PROSER3: variants seen among roughly 807,000 people sequenced by gnomAD.
PROSER3 encodes proline and serine-rich protein 3.
Under a neutral mutation model 50.2 loss-of-function variants are expected in PROSER3, and 33 were observed. That is an observed-to-expected ratio of 0.66 (90% CI 0.50 to 0.88). The LOEUF (loss-of-function observed/expected upper bound fraction) is 0.88. PROSER3 is among the 40% of genes least tolerant of loss of function. The pLI, the probability that PROSER3 is intolerant of heterozygous loss-of-function variation, is 0.00. For synonymous variants in PROSER3, 266 were observed against 259.3 expected (o/e 1.03, Z -0.25); for missense variants, 623 against 612.7 (o/e 1.02, Z -0.18).
At chr19:35,767,110 G>A in intron 8 of PROSER3, 7 of 1,018,430 alleles carry the variant, frequency 6.9e-6, no homozygotes, top group Non-Finnish European at 8.3e-6. Flanking sequence ...GTTCTCTGGG[G>A]ACCCAGCCTA....
chr19:35,770,465 C>A (rs1258634226), downstream of PROSER3, among the ~76,000 whole-genome samples: 1 of 152,148 alleles, frequency 6.6e-6, no homozygotes, highest in African/African-American at 2.4e-5. Flanking sequence ...ACCTGATATT[C>A]TTTGACACAC....
intron 8 of PROSER3, chr19:35,767,186 C>A: frequency 2.0e-6 from 1 of 502,130 alleles, no homozygotes; most frequent in Non-Finnish European, 3.5e-6. Context: ...TGTGGAGAGG[C>A]CTCCTTTTCC....
At chr19:35,768,158 C>A in exon 10 of PROSER3, 1 of 1,613,166 alleles carries the variant, frequency 6.2e-7, no homozygotes, top group South Asian at 1.1e-5. Flanking sequence ...GGCCCAGACT[C>A]CGACGGCAGC....
At chr19:35,766,796 C>T (rs1234296149) in exon 8 of PROSER3, 2 of 1,550,840 alleles carry the variant, frequency 1.3e-6, no homozygotes, top group Non-Finnish European at 1.7e-6. Flanking sequence ...AGGCCCAGAC[C>T]CCCACCCCTG....
chr19:35,760,078 T>G, intron 3 of PROSER3, 87 bp downstream of exon 3: 1 of 1,330,296 alleles, frequency 7.5e-7, no homozygotes, highest in Non-Finnish European at 1.0e-6. Context: ...TGGCCAGAGC[T>G]GTTTCTGCAG....
In PROSER3 at chr19:35,764,516, C is replaced by T. The variant is rs183229472; in HGVS notation, c.544-338C>T. Reference sequence around the variant, plus strand: ...TACTAAAAATACAAAATTAGCCGAGCGTGGTGGCGCATGCCTGTAATCCCA... The same window carrying T: ...TACTAAAAATACAAAATTAGCCGAGTGTGGTGGCGCATGCCTGTAATCCCA... On this transcript the variant is annotated intron_variant, in intron 5 of 10. Transcript: ENST00000396908. Among the ~76,000 whole-genome samples, 14 of 152,154 alleles carry T rather than the reference C, an allele frequency of 9.2e-5. No individual in the cohort carries two copies. In the East Asian group the frequency reaches 2.1e-3, roughly 23 times the overall value.
At chr19:35,764,232 A>G (rs1971061440) in intron 5 of PROSER3, among the ~76,000 whole-genome samples, 1 of 152,192 alleles carries the variant, frequency 6.6e-6, no homozygotes, top group East Asian at 1.9e-4. Flanking sequence ...CTCCATCAGA[A>G]GCCCCAGGGC....
chr19:35,766,954 T>C, exon 8 of PROSER3: 3 of 1,548,844 alleles, frequency 1.9e-6, no homozygotes, highest in Non-Finnish European at 2.6e-6. Context: ...CTCCGCACGT[T>C]GGTGAGCCGA....
At chr19:35,770,327 C>T (rs1971295703), downstream of PROSER3, among the ~76,000 whole-genome samples, 2 of 152,098 alleles carry the variant, frequency 1.3e-5, no homozygotes, top group Admixed American at 6.6e-5. Context: ...TGTGAGCCAC[C>T]GCACCTGGCC....
At chr19:35,766,691 C>T (rs993366174) in intron 7 of PROSER3, 77 bp from the exon 8 acceptor site, 9 of 1,013,730 alleles carry the variant, frequency 8.9e-6, no homozygotes, top group South Asian at 3.1e-5. Flanking sequence ...AGTTGGAGGG[C>T]GTGTGTGCAG....
chr19:35,768,083 C>T lies in PROSER3; in HGVS notation c.1219+18C>T. On this transcript the variant is annotated intron_variant, in intron 9 of 10. Transcript: ENST00000396908. ...TGCAGAAGGTGATGCCCGCGCCCTCCTGGATGTTGGAGGCAGGCCAGCCCC... is the reference window on the plus strand; with the variant it reads ...TGCAGAAGGTGATGCCCGCGCCCTCTTGGATGTTGGAGGCAGGCCAGCCCC... 3 of 1,589,454 alleles carry T rather than the reference C, an allele frequency of 1.9e-6. No homozygotes were observed. The highest frequency in any genetic ancestry group is 1.3e-5 in the African/African-American group (1 of 74,430).
intron 3 of PROSER3, among the ~76,000 whole-genome samples, chr19:35,761,703 A>T (rs1970956677): frequency 1.3e-5 from 2 of 152,024 alleles, no homozygotes; most frequent in African/African-American, 4.8e-5. Flanking sequence ...AATAAATAAA[A>T]ATACAAAAAG....
intron 7 of PROSER3, 77 bp from the exon 8 acceptor site, chr19:35,766,691 C>A: frequency 9.9e-7 from 1 of 1,013,732 alleles, no homozygotes; most frequent in Non-Finnish European, 1.5e-6. Context: ...AGTTGGAGGG[C>A]GTGTGTGCAG....
At chr19:35,759,923 C>G in exon 3 of PROSER3, 1 of 1,606,120 alleles carries the variant, frequency 6.2e-7, no homozygotes, top group Non-Finnish European at 8.5e-7. Context: ...TGCCCAGCAC[C>G]ACTGAGGGAC....
At chr19:35,763,660 C>T (rs1395766868) in intron 5 of PROSER3, among the ~76,000 whole-genome samples, 9 of 151,608 alleles carry the variant, frequency 5.9e-5, no homozygotes, top group East Asian at 3.9e-4. Context: ...CCTGCCACCA[C>T]GCCCGGCTAA....
At chr19:35,767,883 G>C (rs764373767) in exon 9 of PROSER3, 2 of 1,613,270 alleles carry the variant, frequency 1.2e-6, no homozygotes, top group Admixed American at 3.3e-5. Flanking sequence ...CCTTCCCCTG[G>C]AGCCTGCCTG....
chr19:35,762,085 C>A, exon 4 of PROSER3: 1 of 1,611,586 alleles, frequency 6.2e-7, no homozygotes, highest in Non-Finnish European at 8.5e-7. Flanking sequence ...CAGGCCCAAC[C>A]CCAGCTGACT....
chr19:35,758,731 A>G (rs1372476993), intron 1 of PROSER3: 1 of 154,348 alleles, frequency 6.5e-6, no homozygotes, highest in African/African-American at 2.4e-5. Context: ...GTGCAGTGGC[A>G]CAATCTTGGC....
At chr19:35,758,406 G>C (rs1344107966) in intron 1 of PROSER3, 180 bp downstream of exon 1, 6 of 727,734 alleles carry the variant, frequency 8.2e-6, no homozygotes, top group Non-Finnish European at 1.0e-5. Flanking sequence ...TTAGCATCCC[G>C]GGGGTCCCCT....
Sources: allele counts gnomAD v4.1 joint callset (sites outside exome capture counted in the v4.1 genomes callset), GRCh38; gene constraint gnomAD v4.1.1; transcripts MANE v1.5; gene names NCBI Gene and HGNC (gene_info 2026-07-23, HGNC 2026-07-21).